MOV10: variants seen among roughly 807,000 people sequenced by gnomAD.
MOV10 encodes the protein Mov10 RNA helicase, also known as RNA helicase MOV-10.
A neutral mutation model predicts 108.4 loss-of-function variants in MOV10; 39 were observed. The observed-to-expected ratio is 0.36, with a 90% confidence interval of 0.28 to 0.47. The LOEUF (loss-of-function observed/expected upper bound fraction) is 0.47. Ranked by LOEUF, MOV10 falls within the 20% of genes least tolerant of loss-of-function variation. The pLI is 1.00. For missense variants in MOV10, 952 were observed against 1,297.6 expected, an observed-to-expected ratio of 0.73 and a Z score of 4.09; for synonymous variants, 490 against 523.1, an observed-to-expected ratio of 0.94 and a Z score of 0.86.
At chr1:112,676,058 G>A (rs915269060) in intron 2 of MOV10, among the ~76,000 whole-genome samples, 1 of 152,206 alleles carries the variant, frequency 6.6e-6, no homozygotes, top group East Asian at 1.9e-4. Context: ...TGGTGAAATC[G>A]TGTCTGGAAT....
In MOV10 at chr1:112,694,131, C is replaced by T. The variant is rs780491548; in HGVS notation, c.1254C>T (p.His418=). ...CCATCACATATAAGGGCTTTGTGCA[C>T]AAGGTGGAATTGGACCGTGTCAAGC... ...EDPITYKGFV[H]KVELDRVKLS... is the part of the protein sequence containing the mutation. The change falls in exon 8 of 21, where the codon CAC becomes CAT. Residue 418 remains histidine, a synonymous_variant. Coordinates refer to ENST00000369645, the MANE Select transcript of MOV10 (RefSeq NM_001321324.2). The surrounding 1 kb of genome is among the most constrained non-coding windows in gnomAD (Gnocchi z 4.1). 5.6e-6 allele frequency: 9 copies of T among 1,613,966 alleles called. No homozygotes were observed. Among genetic ancestry groups the T allele is most frequent in the Non-Finnish European group, 5.9e-6 (7 of 1,180,010 alleles).
chr1:112,692,282 G>A (rs1673652838), intron 6 of MOV10, among the ~76,000 whole-genome samples: 1 of 152,286 alleles, frequency 6.6e-6, no homozygotes, highest in South Asian at 2.1e-4. Context: ...CAGTGAGTGA[G>A]CCCAGATCAT....
rs1402382909 is a variant in MOV10, at chr1:112,674,970, T to C, written c.58T>C (p.Phe20Leu). The C allele has an allele frequency of 6.3e-7, 1 of 1,582,208 alleles. No individual in the cohort carries two copies. Among genetic ancestry groups the C allele is most frequent in the East Asian group, 2.5e-5 (1 of 39,918 alleles). The change falls in exon 2 of 21, where the codon TTC becomes CTC. Residue 20 changes from phenylalanine (F) to leucine (L), a missense_variant. Physicochemically the swap from Phe to Leu is conservative, Grantham distance 22. This residue lies in a region of MOV10 where 374 missense variants were observed against 468.6 expected (regional missense o/e 0.80). Coordinates refer to ENST00000369645, the MANE Select transcript of MOV10 (RefSeq NM_001321324.2). Reference protein sequence around the residue: ...LREAGQCFESFLVVRGLDMET... With the variant: ...LREAGQCFESLLVVRGLDMET... ...GGAGGCGGGCCAGTGTTTCGAGAGT[T>C]TCCTGGTCGTTCGGGGACTGGACAT... is the stretch of plus-strand genomic sequence containing the variant.
chr1:112,689,892 C>T lies in MOV10; in HGVS notation c.630C>T (p.Phe210=). The change falls in exon 5 of 21, where the codon TTC becomes TTT. Residue 210 remains phenylalanine, a synonymous_variant. Coordinates refer to ENST00000369645, the MANE Select transcript of MOV10 (RefSeq NM_001321324.2). ...GTAAGACCAGCTTTGTGGGCTACTTCCCAGCCACAGTGCTCTGGGAGCTGC... is the reference window on the plus strand; with the variant it reads ...GTAAGACCAGCTTTGTGGGCTACTTTCCAGCCACAGTGCTCTGGGAGCTGC... The part of the protein sequence containing the change: ...VHCKTSFVGY[F]PATVLWELLG... 1 of 1,614,220 alleles carries T rather than the reference C, an allele frequency of 6.2e-7. No homozygotes were observed. Among genetic ancestry groups the T allele is most frequent in the Non-Finnish European group, 8.5e-7 (1 of 1,180,036 alleles).
At position 112,699,354 on chromosome 1, in the gene MOV10, G is replaced by A. The variant is rs543684777; in HGVS notation, c.2584-331G>A. ...GATCGGGGGTCCGGGTTAGGGCCCA[G>A]GGTTGTATATTCTTAACAGATACTT... On this transcript the variant is annotated intron_variant, in intron 17 of 20. Transcript: ENST00000369645. 3.1e-5 allele frequency: 21 copies of A among 679,886 alleles called. No homozygotes were observed. The South Asian group carries it at 6.2e-4, about 20-fold the overall frequency. 42.1% of individuals were successfully genotyped at this position (679,886 alleles called of 1,614,324 possible).
rs893972575 is a variant in MOV10, at chr1:112,675,432, C to T, written c.137+383C>T. 1.3e-5 allele frequency among the ~76,000 whole-genome samples: 2 copies of T among 152,288 alleles called. No individual in the cohort carries two copies. The highest frequency in any genetic ancestry group is 2.1e-4 in the South Asian group (1 of 4,830). On this transcript the variant is annotated intron_variant, in intron 2 of 20. Coordinates refer to ENST00000369645, the MANE Select transcript of MOV10 (RefSeq NM_001321324.2). The surrounding 1 kb of genome is among the most constrained non-coding windows in gnomAD (Gnocchi z 4.7). ...AGAGGGGGCCCAGGCATCGCGGGAGCGCGGGTTAGAGGCTGCCTGTTGGGG... is the reference window on the plus strand; with the variant it reads ...AGAGGGGGCCCAGGCATCGCGGGAGTGCGGGTTAGAGGCTGCCTGTTGGGG...
chr1:112,684,127 T>A (rs2101300971), intron 2 of MOV10, among the ~76,000 whole-genome samples: 1 of 151,592 alleles, frequency 6.6e-6, no homozygotes, highest in African/African-American at 2.4e-5. Context: ...ATTTTTTTTT[T>A]TAATTCTTTG....
At chr1:112,679,651 T>C (rs967388649) in intron 2 of MOV10, among the ~76,000 whole-genome samples, 17 of 151,732 alleles carry the variant, frequency 1.1e-4, no homozygotes, top group African/African-American at 3.6e-4. Context: ...ACCTAGAAAA[T>C]TGAGCAAGGG....
intron 20 of MOV10, 37 bp downstream of exon 20, chr1:112,700,377 G>A (rs1335815234): frequency 1.7e-5 from 27 of 1,614,102 alleles, no homozygotes; most frequent in Non-Finnish European, 2.3e-5. Context: ...TGCCAGAGGA[G>A]GTGGTAAGGA....
chr1:112,684,587 ATACCTGTATTTTAAATATTTG>A (rs1355382978), intron 2 of MOV10, among the ~76,000 whole-genome samples: 3 of 152,132 alleles, frequency 2.0e-5, no homozygotes, highest in African/African-American at 7.2e-5. Flanking sequence ...GTTTTAAAGG[ATACCTGTATTTTAAATATTTG>A]TAGATGTTGC....
rs769927111 is a variant in MOV10 at position 112,694,592 on chromosome 1, C to T, written c.1435C>T (p.Arg479Trp). 3.7e-6 allele frequency: 6 copies of T among 1,610,886 alleles called. No homozygotes were observed. The highest frequency in any genetic ancestry group is 2.2e-5 in the South Asian group (2 of 90,666). ...GCCCATGCTCTTTCCTGTGGCACCT[C>T]GGGACGTCCCGCTGCTGCCCTCAGA... The part of the protein sequence containing the change: ...LWPMLFPVAP[R>W]DVPLLPSDVK... The change falls in exon 9 of 21, where the codon CGG becomes TGG. Residue 479 changes from arginine (R) to tryptophan (W), a missense_variant. Physicochemically the swap from Arg to Trp is moderately radical, Grantham distance 101. Coordinates refer to ENST00000369645, the MANE Select transcript of MOV10 (RefSeq NM_001321324.2). The surrounding 1 kb of genome is among the most constrained non-coding windows in gnomAD (Gnocchi z 4.1).
In MOV10 at chr1:112,700,280, G is replaced by T; in HGVS notation, c.2860G>T (p.Asp954Tyr). The T allele has an allele frequency of 6.2e-7, 1 of 1,614,174 alleles. No homozygotes were observed. Among genetic ancestry groups the T allele is most frequent in the Non-Finnish European group, 8.5e-7 (1 of 1,180,022 alleles). ...CGGGTGTCCCTTCCCTGCCAAACTG[G>T]ACCTGCAACAGGGACAGAATTTACT... ...YTGCPFPAKL[D>Y]LQQGQNLLQG... Residue 954 changes from aspartate (D) to tyrosine (Y), a missense_variant, in exon 20 of 21, where the codon GAC (aspartate) becomes TAC (tyrosine). Asp to Tyr is a radical substitution (Grantham distance 160). Around this residue, in one of 5 missense-constraint regions of MOV10, gnomAD observed 65 missense variants for 124.3 expected, o/e 0.52. Transcript: ENST00000369645.
In MOV10 at chr1:112,691,654, C is replaced by T. The variant is rs767688494; in HGVS notation, c.837-11C>T. 3.9e-5 allele frequency: 63 copies of T among 1,611,176 alleles called. No homozygotes were observed. Among genetic ancestry groups the T allele is most frequent in the Non-Finnish European group, 5.2e-5 (61 of 1,177,966 alleles). ...AGGGGTTTTCTGTGTTTTCTTCCCT[C>T]GATTCTGCAGCGCTAAGGGCTATGA... On this transcript the variant is annotated splice_polypyrimidine_tract_variant and intron_variant, in intron 5 of 20. Transcript: ENST00000369645.
chr1:112,689,086 T>C lies in MOV10; in HGVS notation c.289T>C (p.Ser97Pro). The change falls in exon 3 of 21, where the codon TCA becomes CCA. Residue 97 changes from serine to proline, a missense_variant. By Grantham distance (74) the Ser-to-Pro change is moderately conservative. Transcript: ENST00000369645. The part of the protein sequence containing the change: ...FPEKRRMKLG[S>P]DISKHHKSLL... ...AGAAAAGAGGAGAATGAAGCTGGGG[T>C]CAGATATCAGCAAACACCACAAGTC... 1.2e-6 allele frequency: 2 copies of C among 1,611,916 alleles called. No individual in the cohort carries two copies. Among genetic ancestry groups the C allele is most frequent in the Non-Finnish European group, 8.5e-7 (1 of 1,179,868 alleles).
chr1:112,699,906 GC>G lies in MOV10; in HGVS notation c.2723del (p.Ala908ValfsTer2). 1 of 1,614,102 alleles carries G rather than the reference GC, an allele frequency of 6.2e-7. No homozygotes were observed. The highest frequency in any genetic ancestry group is 8.5e-7 in the Non-Finnish European group (1 of 1,180,022). On this transcript the variant is annotated frameshift_variant, in exon 19 of 21. Coordinates refer to ENST00000369645, the MANE Select transcript of MOV10 (RefSeq NM_001321324.2). LOFTEE classifies it high-confidence loss of function. ...FLKNPKRFNVAVTRAKALLII... is the reference protein window; with the variant it reads ...FLKNPKRFNVXVTRAKALLII... ...TTCTTCCTTCCAGAGGTTCAATGTA[GC>G]TGTGACCCGGGCCAAGGCCCTGCTC...
chr1:112,697,869 T>C (rs1351043095), intron 14 of MOV10, 125 bp from the exon 15 acceptor site: 1 of 755,854 alleles, frequency 1.3e-6, no homozygotes, highest in Non-Finnish European at 2.3e-6. Flanking sequence ...AGGAGTGTCC[T>C]GCTATCCAGG....
At chr1:112,679,247 A>G (rs1672437965) in intron 2 of MOV10, among the ~76,000 whole-genome samples, 1 of 152,142 alleles carries the variant, frequency 6.6e-6, no homozygotes, top group Non-Finnish European at 1.5e-5. Context: ...TCCACAGCAC[A>G]GAAGTCTGCA....
chr1:112,692,744 C>G lies in MOV10; in HGVS notation c.972-17C>G. On this transcript the variant is annotated splice_polypyrimidine_tract_variant and intron_variant, in intron 6 of 20. Coordinates refer to ENST00000369645, the MANE Select transcript of MOV10 (RefSeq NM_001321324.2). ...CTGTTCCTGCCCCCACTCACCCCTC[C>G]CAACCATCATTTCCAGGGCCCAGCT... 1.2e-6 allele frequency: 2 copies of G among 1,613,268 alleles called. No individual in the cohort carries two copies. Among genetic ancestry groups the G allele is most frequent in the South Asian group, 1.1e-5 (1 of 91,008 alleles).
chr1:112,689,039 G>A lies in MOV10; in HGVS notation c.242G>A (p.Arg81His), dbSNP rs1353895265. The A allele has an allele frequency of 4.0e-5, 65 of 1,612,650 alleles. No homozygotes were observed. Among genetic ancestry groups the A allele is most frequent in the Middle Eastern group, 2.1e-4 (1 of 4,770 alleles). Residue 81 changes from arginine to histidine, a missense_variant, in exon 3 of 21, where the codon CGC (arginine) becomes CAC (histidine). Physicochemically the swap from Arg to His is conservative, Grantham distance 29. Around this residue, in one of 5 missense-constraint regions of MOV10, gnomAD observed 374 missense variants for 468.6 expected, o/e 0.80. Coordinates refer to ENST00000369645, the MANE Select transcript of MOV10 (RefSeq NM_001321324.2). ...KTRVRFFRLD[R>H]WADVRFPEKR... is the part of the protein sequence containing the mutation. ...CGGGTCAGGTTCTTCAGACTCGACC[G>A]CTGGGCCGACGTGCGGTTCCCAGAA... is the stretch of plus-strand genomic sequence containing the variant.
Sources: allele counts gnomAD v4.1 joint callset (sites outside exome capture counted in the v4.1 genomes callset), GRCh38; gene constraint gnomAD v4.1.1; regional missense constraint gnomAD v4.1.1; non-coding constraint Gnocchi (gnomAD v3.1); transcripts MANE v1.5; gene names NCBI Gene and HGNC (gene_info 2026-07-23, HGNC 2026-07-21).